The following LRRC4C variants were observed in gnomAD, a reference collection of about 807,000 sequenced individuals.
The protein encoded by LRRC4C is leucine-rich repeat-containing protein 4C.
A neutral mutation model predicts 33.6 loss-of-function variants in LRRC4C; 5 were observed. That is an observed-to-expected ratio of 0.15 (90% CI 0.08 to 0.31). The LOEUF (loss-of-function observed/expected upper bound fraction) is 0.31. Ranked by LOEUF, LRRC4C falls within the 10% of genes least tolerant of loss-of-function variation. The probability of loss-of-function intolerance (pLI) is 1.00; values close to 1 mark genes in which losing one functional copy is unlikely to be tolerated. For synonymous variants in LRRC4C, 329 were observed against 302.0 expected (o/e 1.09, Z -0.93); for missense variants, 560 against 796.7 (o/e 0.70, Z 3.58).
chr11:41,100,570 A>AAAT (rs775264995), intron 1 of LRRC4C, among the ~76,000 whole-genome samples: 204 of 151,744 alleles, frequency 1.3e-3, no homozygotes, highest in African/African-American at 4.5e-3. Flanking sequence ...GTCCATCTCA[A>AAAT]AATAATAATA....
Position 40,329,844 on chromosome 11 carries a change from C to T in LRRC4C, c.-269-10123G>A, listed in dbSNP as rs367767671. 6.6e-4 allele frequency among the ~76,000 whole-genome samples: 99 copies of T among 149,940 alleles called. 1 individual carries two copies. In the South Asian group the frequency reaches 0.02, roughly 30 times the overall value. On this transcript the variant is annotated intron_variant, in intron 3 of 6. Coordinates refer to ENST00000528697, the MANE Select transcript of LRRC4C (RefSeq NM_001258419.2). Reference sequence around the variant, plus strand: ...GCAACATCTGCCTCCTGGGTTCAAGCGATTCTCCTGCCTCAGCCTCTCGAG... The same window carrying T: ...GCAACATCTGCCTCCTGGGTTCAAGTGATTCTCCTGCCTCAGCCTCTCGAG...
At chr11:40,176,122 G>A (rs1860463173) in intron 5 of LRRC4C, among the ~76,000 whole-genome samples, 1 of 152,130 alleles carries the variant, frequency 6.6e-6, no homozygotes, top group African/African-American at 2.4e-5. Context: ...AATATTCTCT[G>A]GTGGAGGAGG....
Position 40,585,965 on chromosome 11 carries a change from T to C in LRRC4C, c.-270+62177A>G, listed in dbSNP as rs988856592. Among the ~76,000 whole-genome samples, 6 of 137,362 alleles carry C rather than the reference T, an allele frequency of 4.4e-5. 1 individual carries two copies. The highest frequency in any genetic ancestry group is 9.6e-5 in the Non-Finnish European group (6 of 62,696). The allele number at this position is 137,362 out of a possible 152,430, so 90.1% of individuals were successfully genotyped here. A position where few individuals can be genotyped will look rare whatever the true frequency, so the allele number is the denominator to read the frequency against. On this transcript the variant is annotated intron_variant, in intron 3 of 6. Coordinates refer to ENST00000528697, the MANE Select transcript of LRRC4C (RefSeq NM_001258419.2). Reference sequence around the variant, plus strand: ...CATGTGTCTTTATAGCAGCATGATTTATAGTCCTTTGGGTATATACCCAGT... The same window carrying C: ...CATGTGTCTTTATAGCAGCATGATTCATAGTCCTTTGGGTATATACCCAGT...
At chr11:41,236,043 T>C (rs1363659305) in intron 1 of LRRC4C, among the ~76,000 whole-genome samples, 3 of 152,106 alleles carry the variant, frequency 2.0e-5, no homozygotes, top group Admixed American at 6.5e-5. Context: ...ATGGAACAGA[T>C]AGCAAGTTTT....
chr11:40,802,922 A>G (rs1474106321), intron 2 of LRRC4C, among the ~76,000 whole-genome samples: 1 of 152,228 alleles, frequency 6.6e-6, no homozygotes, highest in Non-Finnish European at 1.5e-5. Flanking sequence ...TGTGAATTTC[A>G]AATGTTGGAG....
intron 3 of LRRC4C, among the ~76,000 whole-genome samples, chr11:40,323,570 TA>T (rs1565272915): frequency 6.6e-6 from 1 of 152,202 alleles, no homozygotes; most frequent in African/African-American, 2.4e-5. Context: ...CCCTATCCAC[TA>T]AAGTTATAAA....
intron 5 of LRRC4C, among the ~76,000 whole-genome samples, chr11:40,220,877 GTTT>G (rs5791363): frequency 7.1e-6 from 1 of 141,584 alleles, no homozygotes; most frequent in Admixed American, 7.1e-5. Context: ...TGTGTTTTTG[GTTT>G]TTTTTTTTTT....
intron 3 of LRRC4C, among the ~76,000 whole-genome samples, chr11:40,525,305 G>A (rs190684792): frequency 1.3e-5 from 2 of 152,180 alleles, no homozygotes; most frequent in African/African-American, 2.4e-5. Context: ...AATTAGTCAG[G>A]TGTGGTGCCA....
chr11:40,364,488 C>G (rs772315058), intron 3 of LRRC4C, among the ~76,000 whole-genome samples: 1 of 151,890 alleles, frequency 6.6e-6, no homozygotes, highest in Non-Finnish European at 1.5e-5. Flanking sequence ...GCTGCAGAAG[C>G]AAATGGAACT....
chr11:40,516,561 T>C (rs17407059), intron 3 of LRRC4C, among the ~76,000 whole-genome samples: 14,187 of 152,128 alleles, frequency 0.093, 799 homozygotes, highest in Middle Eastern at 0.15. Context: ...GATGGTAGCA[T>C]AGAAAGAGTT....
At chr11:40,871,307 C>T (rs1043811196) in intron 2 of LRRC4C, among the ~76,000 whole-genome samples, 2 of 152,048 alleles carry the variant, frequency 1.3e-5, no homozygotes, top group Non-Finnish European at 2.9e-5. Context: ...ACACCGTATT[C>T]GTACACTCCC....
intron 2 of LRRC4C, among the ~76,000 whole-genome samples, chr11:40,816,490 G>A (rs1037197139): frequency 2.0e-5 from 3 of 152,172 alleles, no homozygotes; most frequent in African/African-American, 7.2e-5. Flanking sequence ...AGAGGAAGGT[G>A]TTATGTTGTG....
At chr11:41,011,403 G>C (rs995764734) in intron 1 of LRRC4C, among the ~76,000 whole-genome samples, 5 of 151,988 alleles carry the variant, frequency 3.3e-5, no homozygotes, top group Admixed American at 6.6e-5. Context: ...AATACTAATT[G>C]TTCTAGTGTT....
At chr11:40,418,659 A>G (rs1950413480) in intron 3 of LRRC4C, among the ~76,000 whole-genome samples, 1 of 152,206 alleles carries the variant, frequency 6.6e-6, no homozygotes, top group Non-Finnish European at 1.5e-5. Context: ...ATGCATGCAC[A>G]CGTATGTTCA....
chr11:40,709,708 G>T (rs1020876910), intron 2 of LRRC4C, among the ~76,000 whole-genome samples: 1 of 151,898 alleles, frequency 6.6e-6, no homozygotes. Flanking sequence ...GGTGTTCTCT[G>T]TATTTCCTGA....
At chr11:40,324,629 G>A (rs1278865489) in intron 3 of LRRC4C, among the ~76,000 whole-genome samples, 1 of 152,172 alleles carries the variant, frequency 6.6e-6, no homozygotes, top group Non-Finnish European at 1.5e-5. Flanking sequence ...CAAGGTCCTG[G>A]CTCTCAAGAT....
chr11:41,154,932 C>T (rs1161198611), intron 1 of LRRC4C, among the ~76,000 whole-genome samples: 3 of 152,100 alleles, frequency 2.0e-5, no homozygotes, highest in Non-Finnish European at 4.4e-5. Context: ...CTGAGTACTT[C>T]AGACTGGGAT....
chr11:41,458,927 T>C (rs1163907699), intron 1 of LRRC4C, among the ~76,000 whole-genome samples: 1 of 151,938 alleles, frequency 6.6e-6, no homozygotes, highest in Non-Finnish European at 1.5e-5. Flanking sequence ...CGCTACTCTC[T>C]AGAGCAGATA....
intron 5 of LRRC4C, among the ~76,000 whole-genome samples, chr11:40,160,933 C>T (rs1479420810): frequency 3.3e-5 from 5 of 152,174 alleles, no homozygotes; most frequent in East Asian, 3.9e-4. Context: ...CCTCAGTCTG[C>T]GACTTCAGGC....
Sources: gnomAD v4.1 joint callset for allele counts (sites outside exome capture counted in the v4.1 genomes callset) on GRCh38, gnomAD v4.1.1 for gene constraint, MANE v1.5 for transcripts, NCBI Gene and HGNC (gene_info 2026-07-23, HGNC 2026-07-21) for gene names.